ANKDD1B: variants seen among roughly 807,000 people sequenced by gnomAD.
ANKDD1B encodes the protein ankyrin repeat and death domain containing 1B, also known as ankyrin repeat and death domain-containing protein 1B.
A neutral mutation model predicts 59.7 loss-of-function variants in ANKDD1B; 57 were observed. The ratio of observed to expected loss-of-function variants is 0.95; its 90% CI spans 0.77 to 1.19. ANKDD1B has a LOEUF of 1.19. Ranked by LOEUF, ANKDD1B falls within the 50% of genes most tolerant of loss-of-function variation. The pLI, the probability that ANKDD1B is intolerant of heterozygous loss-of-function variation, is 0.00. For missense variants in ANKDD1B, 602 were observed against 641.9 expected, an observed-to-expected ratio of 0.94 and a Z score of 0.67; for synonymous variants, 216 against 239.5, an observed-to-expected ratio of 0.90 and a Z score of 0.91.
chr5:75,663,259 A>G, intron 10 of ANKDD1B, 135 bp from the exon 11 acceptor site: 1 of 657,022 alleles, frequency 1.5e-6, no homozygotes, highest in Non-Finnish European at 2.6e-6. Flanking sequence ...GACCCAAAGA[A>G]GCAAAGGACT....
chr5:75,626,843 G>A (rs940875795), intron 5 of ANKDD1B, among the ~76,000 whole-genome samples: 1 of 151,790 alleles, frequency 6.6e-6, no homozygotes, highest in Non-Finnish European at 1.5e-5. Context: ...TGTGCACTTG[G>A]CATTTTGATT....
chr5:75,636,459 G>A (rs1391715793), intron 7 of ANKDD1B, among the ~76,000 whole-genome samples: 1 of 152,190 alleles, frequency 6.6e-6, no homozygotes, highest in Non-Finnish European at 1.5e-5. Flanking sequence ...GGGAAAGCTG[G>A]AAGCTTAGTG....
chr5:75,665,224 G>T (rs1031840880), intron 11 of ANKDD1B, among the ~76,000 whole-genome samples: 20 of 152,332 alleles, frequency 1.3e-4, no homozygotes, highest in Admixed American at 1.2e-3. Flanking sequence ...TTCACTGGCT[G>T]CTGAAAAAGA....
rs895835259 is a variant in ANKDD1B at position 75,625,929 on chromosome 5, C to A, written c.574C>A (p.Leu192Ile). 1 of 1,536,068 alleles carries A rather than the reference C, an allele frequency of 6.5e-7. No homozygotes were observed. Among genetic ancestry groups the A allele is most frequent in the Admixed American group, 2.0e-5 (1 of 50,998 alleles). Residue 192 changes from leucine to isoleucine, a missense_variant, in exon 5 of 14, where the codon CTC becomes ATC. Around this residue, in one of 3 missense-constraint regions of ANKDD1B, gnomAD observed 317 missense variants for 304.6 expected, o/e 1.04. Coordinates refer to ENST00000601380, the MANE Select transcript of ANKDD1B (RefSeq NM_001276713.2). ...GGAGTATCTTATTCAAGATCTGCAC[C>A]TCAAGGACCTGAACCAGCCTGATGA... ...IVEYLIQDLH[L>I]KDLNQPDEKG... is the part of the protein sequence containing the mutation.
At chr5:75,629,327 G>T (rs1774082268) in intron 5 of ANKDD1B, among the ~76,000 whole-genome samples, 1 of 151,362 alleles carries the variant, frequency 6.6e-6, no homozygotes, top group Non-Finnish European at 1.5e-5. Context: ...GTTATTCAGG[G>T]TTTCCCCTGC....
At chr5:75,650,153 T>A (rs1774791579) in intron 7 of ANKDD1B, among the ~76,000 whole-genome samples, 1 of 152,174 alleles carries the variant, frequency 6.6e-6, no homozygotes, top group African/African-American at 2.4e-5. Flanking sequence ...CCGGAACCTG[T>A]GAATATGTTA....
rs545031856 is a variant in ANKDD1B at position 75,620,059 on chromosome 5, A to T, written c.298-256A>T. Among the ~76,000 whole-genome samples, 20 of 152,352 alleles carry T rather than the reference A, an allele frequency of 1.3e-4. No individual in the cohort carries two copies. In the South Asian group the frequency reaches 4.1e-3, roughly 32 times the overall value. ...ACAACATAATGCTACAATACAGTAC[A>T]ATATAAGCTGAAACAAGAATTTCAT... On this transcript the variant is annotated intron_variant, in intron 2 of 13. Coordinates refer to ENST00000601380, the MANE Select transcript of ANKDD1B (RefSeq NM_001276713.2).
chr5:75,619,726 T>A (rs561644166), intron 2 of ANKDD1B, among the ~76,000 whole-genome samples: 24 of 152,322 alleles, frequency 1.6e-4, no homozygotes, highest in African/African-American at 5.8e-4. Flanking sequence ...AGCATCATGT[T>A]GACTTTCCTT....
chr5:75,665,743 G>C (rs960099716), intron 11 of ANKDD1B, among the ~76,000 whole-genome samples: 1 of 152,184 alleles, frequency 6.6e-6, no homozygotes, highest in Non-Finnish European at 1.5e-5. Flanking sequence ...GCTTCCTGGA[G>C]GAGGTTTCTG....
At position 75,611,759 on chromosome 5, in the gene ANKDD1B, G is replaced by T; in HGVS notation, c.125G>T (p.Ser42Ile). The stretch of plus-strand genomic sequence containing the variant: ...GGCGCGGCCGCCCTGCCTTGGAGGA[G>T]CCTGTCCCGGATCCCGAAGCGGGAG... The part of the protein sequence containing the change: ...LWGAAALPWR[S>I]LSRIPKREGL... Residue 42 changes from serine (S) to isoleucine (I), a missense_variant, in exon 1 of 14, where the codon AGC becomes ATC. Ser to Ile is a moderately radical substitution (Grantham distance 142). This residue lies in a region of ANKDD1B where 317 missense variants were observed against 304.6 expected (regional missense o/e 1.04). Transcript: ENST00000601380. 8.1e-7 allele frequency: 1 copy of T among 1,232,028 alleles called. No individual in the cohort carries two copies. Among genetic ancestry groups the T allele is most frequent in the Non-Finnish European group, 1.0e-6 (1 of 988,098 alleles). 76.3% of individuals were successfully genotyped at this position (1,232,028 alleles called of 1,614,324 possible). A position where few individuals can be genotyped will look rare whatever the true frequency, so the allele number is the denominator to read the frequency against.
intron 1 of ANKDD1B, among the ~76,000 whole-genome samples, chr5:75,616,138 T>G (rs767916890): frequency 1.3e-5 from 2 of 152,154 alleles, no homozygotes; most frequent in African/African-American, 2.4e-5. Context: ...TGTTGGGCTG[T>G]CCTCTGAGAG....
intron 13 of ANKDD1B, among the ~76,000 whole-genome samples, 183 bp from the exon 14 acceptor site, chr5:75,670,796 T>C (rs1158706259): frequency 6.6e-6 from 1 of 152,226 alleles, no homozygotes; most frequent in Non-Finnish European, 1.5e-5. Flanking sequence ...GACTGACTGG[T>C]TGTAAACCTC....
intron 5 of ANKDD1B, among the ~76,000 whole-genome samples, chr5:75,633,956 T>TC (rs1279720923): frequency 5.9e-5 from 9 of 152,214 alleles, no homozygotes; most frequent in African/African-American, 2.2e-4. Flanking sequence ...TTGGGTTTTG[T>TC]CCCTTCACAC....
chr5:75,640,699 A>G (rs1347608307), intron 7 of ANKDD1B, among the ~76,000 whole-genome samples: 1 of 152,218 alleles, frequency 6.6e-6, no homozygotes, highest in East Asian at 1.9e-4. Context: ...AACATTCCAA[A>G]TAAAGTATGT....
chr5:75,658,474 T>C (rs938642177), intron 9 of ANKDD1B, among the ~76,000 whole-genome samples: 3 of 152,226 alleles, frequency 2.0e-5, no homozygotes, highest in African/African-American at 7.2e-5. Flanking sequence ...ATATTTCTTT[T>C]GAAACTCTTA....
intron 11 of ANKDD1B, among the ~76,000 whole-genome samples, chr5:75,665,159 G>T (rs1775274004): frequency 6.6e-6 from 1 of 152,094 alleles, no homozygotes; most frequent in African/African-American, 2.4e-5. Flanking sequence ...ACCAGTTCTG[G>T]CTCATGTTAT....
chr5:75,623,689 G>A (rs1268631935), intron 3 of ANKDD1B, among the ~76,000 whole-genome samples: 1 of 152,056 alleles, frequency 6.6e-6, no homozygotes, highest in Non-Finnish European at 1.5e-5. Context: ...ATTCTTTGTC[G>A]TTGGGGCTGC....
Position 75,653,405 on chromosome 5 carries a change from G to C in ANKDD1B, c.897+165G>C, listed in dbSNP as rs992701876. 6.6e-5 allele frequency among the ~76,000 whole-genome samples: 10 copies of C among 152,182 alleles called. No individual in the cohort carries two copies. In the East Asian group the frequency reaches 1.9e-3, roughly 29 times the overall value. ...CTTTTGGAGGCTGAGTCTTAATCTT[G>C]AGAAATAAAATCCGAGGGATGAATT... On this transcript the variant is annotated intron_variant, in intron 8 of 13. Transcript: ENST00000601380.
intron 5 of ANKDD1B, among the ~76,000 whole-genome samples, chr5:75,626,169 G>A: frequency 6.6e-6 from 1 of 152,134 alleles, no homozygotes; most frequent in East Asian, 1.9e-4. Flanking sequence ...GAAATGTTGA[G>A]GAAGCAGCCA....
Sources: allele counts gnomAD v4.1 joint callset (sites outside exome capture counted in the v4.1 genomes callset), GRCh38; gene constraint gnomAD v4.1.1; regional missense constraint gnomAD v4.1.1; transcripts MANE v1.5; gene names NCBI Gene and HGNC (gene_info 2026-07-23, HGNC 2026-07-21).